Variants in MID1 observed in about 807,000 individuals in gnomAD.
MID1 encodes the protein midline 1.
Under a neutral mutation model 40.4 loss-of-function variants are expected in MID1, and 7 were observed. The ratio of observed to expected loss-of-function variants is 0.17; its 90% CI spans 0.10 to 0.33. MID1 has a LOEUF of 0.33. Ranked by LOEUF, MID1 falls within the 10% of genes least tolerant of loss-of-function variation. The pLI is 1.00. For synonymous variants in MID1, 229 were observed against 221.2 expected (o/e 1.04, Z -0.31); for missense variants, 367 against 558.5 (o/e 0.66, Z 3.46).
chrX:10,449,236 C>G lies in MID1; in HGVS notation c.*132G>C, dbSNP rs1928173727. On this transcript the variant is annotated 3_prime_UTR_variant, in exon 10 of 10. Coordinates refer to ENST00000317552, the MANE Select transcript of MID1 (RefSeq NM_000381.4). Reference sequence around the variant, plus strand: ...AGGAGAGGAATCTCTTGTTTTGAGCCCTATCTGAGCCGATTTCGGGACACT... The same window carrying G: ...AGGAGAGGAATCTCTTGTTTTGAGCGCTATCTGAGCCGATTTCGGGACACT... 1 of 503,809 alleles carries G rather than the reference C, an allele frequency of 2.0e-6. No homozygotes were observed. The highest frequency in any genetic ancestry group is 3.4e-6 in the Non-Finnish European group (1 of 296,217). 41.5% of individuals were successfully genotyped at this position (503,809 alleles called of 1,213,427 possible). A position where few individuals can be genotyped will look rare whatever the true frequency, so the allele number is the denominator to read the frequency against.
At chrX:10,467,622 AC>A (rs1250650975) in intron 7 of MID1, among the ~76,000 whole-genome samples, 1 of 111,356 alleles carries the variant, frequency 9.0e-6, no homozygotes, top group Non-Finnish European at 1.9e-5. Context: ...TCCACTCTCC[AC>A]AGTGCTCCTG....
chrX:10,480,550 T>C (rs1198934394), intron 5 of MID1, among the ~76,000 whole-genome samples: 1 of 112,208 alleles, frequency 8.9e-6, no homozygotes, highest in African/African-American at 3.2e-5. Flanking sequence ...GTAAACGCTA[T>C]CTATTAGTGT....
At chrX:10,557,312 T>C (rs144482342) in intron 2 of MID1, among the ~76,000 whole-genome samples, 159 of 112,318 alleles carry the variant, frequency 1.4e-3, no homozygotes, top group African/African-American at 4.9e-3. Context: ...ACACCCATGA[T>C]GCTGGTTTAT....
At chrX:10,723,115 C>T (rs1483879620) in intron 1 of MID1, among the ~76,000 whole-genome samples, 1 of 111,724 alleles carries the variant, frequency 9.0e-6, no homozygotes, top group Non-Finnish European at 1.9e-5. Context: ...TTACAAAACC[C>T]CAAACCACAT....
chrX:10,510,386 AACACTTT>A (rs1932056536), intron 3 of MID1, among the ~76,000 whole-genome samples: 1 of 111,866 alleles, frequency 8.9e-6, no homozygotes, highest in African/African-American at 3.3e-5. Flanking sequence ...TTACTCCTGT[AACACTTT>A]AAACTGCATT....
chrX:10,605,133 G>T (rs1935600750), intron 1 of MID1, among the ~76,000 whole-genome samples: 1 of 112,347 alleles, frequency 8.9e-6, no homozygotes, highest in African/African-American at 3.2e-5. Flanking sequence ...AGATGAGCAT[G>T]ACTGGGGATT....
chrX:10,793,704 C>T (rs2043949312), intron 1 of MID1, among the ~76,000 whole-genome samples: 2 of 111,996 alleles, frequency 1.8e-5, no homozygotes, highest in African/African-American at 6.5e-5. Flanking sequence ...CTTGCCCTTG[C>T]CCTTTCTGCA....
At chrX:10,451,764 G>T (rs958610042) in intron 9 of MID1, among the ~76,000 whole-genome samples, 40 of 111,682 alleles carry the variant, frequency 3.6e-4, no homozygotes, top group Non-Finnish European at 7.3e-4. Context: ...TGCCATCCAT[G>T]TAAGACGGGA....
intron 1 of MID1, among the ~76,000 whole-genome samples, chrX:10,698,727 A>C (rs1235962594): frequency 6.0e-5 from 6 of 100,140 alleles, no homozygotes; most frequent in East Asian, 2.9e-4. Context: ...AAAAAGAAGA[A>C]AAAGAAAAAA....
intron 5 of MID1, among the ~76,000 whole-genome samples, chrX:10,480,209 A>G (rs747291461): frequency 1.8e-5 from 2 of 112,538 alleles, no homozygotes; most frequent in South Asian, 7.5e-4. Flanking sequence ...AGAAAGAGAA[A>G]TCAAAGTCAT....
intron 3 of MID1, among the ~76,000 whole-genome samples, chrX:10,501,826 G>A (rs1032109712): frequency 9.0e-6 from 1 of 111,711 alleles, no homozygotes; most frequent in African/African-American, 3.3e-5. Context: ...CTATTTTCTC[G>A]AGGGCACTTG....
chrX:10,758,552 G>C, intron 1 of MID1, among the ~76,000 whole-genome samples: 1 of 94,544 alleles, frequency 1.1e-5, no homozygotes, highest in Non-Finnish European at 2.0e-5. Context: ...GTGCAGTGGC[G>C]TGATCTTGGC....
intron 1 of MID1, among the ~76,000 whole-genome samples, chrX:10,598,988 CG>C (rs775293836): frequency 9.0e-6 from 1 of 111,707 alleles, no homozygotes; most frequent in South Asian, 3.8e-4. Context: ...ACCATCCTGA[CG>C]GGGGGGATCC....
Position 10,446,285 on chromosome X carries a change from TG to T in MID1, c.*3082del, listed in dbSNP as rs1928034121. On this transcript the variant is annotated 3_prime_UTR_variant, in exon 10 of 10. Coordinates refer to ENST00000317552, the MANE Select transcript of MID1 (RefSeq NM_000381.4). ...AAATGCACATGTATGCCAGCATATA[TG>T]CGTGTCTCTTTGCAGGTATCTGCAT... 8.9e-6 allele frequency: 1 copy of T among 112,050 alleles called. No homozygotes were observed. Among genetic ancestry groups the T allele is most frequent in the Admixed American group, 9.4e-5 (1 of 10,612 alleles). The allele number at this position is 112,050 out of a possible 1,213,427, so 9.2% of individuals were successfully genotyped here.
chrX:10,594,069 G>A (rs892707086), intron 1 of MID1, among the ~76,000 whole-genome samples: 37 of 110,927 alleles, frequency 3.3e-4, no homozygotes, highest in African/African-American at 8.6e-4. Context: ...TGTTTGTGCC[G>A]ATGACTATTT....
rs73477247 is a variant in MID1, at chrX:10,509,113, A to C, written c.757-13422T>G. On this transcript the variant is annotated intron_variant, in intron 3 of 9. Transcript: ENST00000317552. Reference sequence around the variant, plus strand: ...CAGTAGAAGGGCAGGCAGGAAGGACACTGGAGAGCTGTACAATAGGGGCTT... The same window carrying C: ...CAGTAGAAGGGCAGGCAGGAAGGACCCTGGAGAGCTGTACAATAGGGGCTT... Among the ~76,000 whole-genome samples the C allele has an allele frequency of 1.0e-2, 1,111 of 111,638 alleles. 12 individuals carry two copies. Among genetic ancestry groups the C allele is most frequent in the African/African-American group, 0.034 (1,051 of 30,658 alleles).
intron 1 of MID1, among the ~76,000 whole-genome samples, chrX:10,729,027 C>T (rs1161107961): frequency 1.8e-5 from 2 of 111,689 alleles, no homozygotes; most frequent in African/African-American, 3.3e-5. Context: ...TTAAATTACC[C>T]GACAGACATT....
At chrX:10,475,341 C>A in intron 5 of MID1, 1 of 278,882 alleles carries the variant, frequency 3.6e-6, no homozygotes, top group Non-Finnish European at 6.8e-6. Flanking sequence ...CATTTTCTTG[C>A]ACCATATTCC....
At chrX:10,802,611 G>A (rs758167703) in intron 1 of MID1, among the ~76,000 whole-genome samples, 24 of 112,098 alleles carry the variant, frequency 2.1e-4, no homozygotes, top group Non-Finnish European at 2.1e-4. Context: ...GTGGAAAGCA[G>A]TTTAGAGATT....
Sources: allele counts gnomAD v4.1 joint callset (sites outside exome capture counted in the v4.1 genomes callset), GRCh38; gene constraint gnomAD v4.1.1; transcripts MANE v1.5; gene names NCBI Gene and HGNC (gene_info 2026-07-23, HGNC 2026-07-21).